APP: variants seen among roughly 807,000 people sequenced by gnomAD.
APP encodes the protein amyloid-beta precursor protein.
Under a neutral mutation model 101.4 loss-of-function variants are expected in APP, and 31 were observed. The ratio of observed to expected loss-of-function variants is 0.31; its 90% CI spans 0.23 to 0.41. The LOEUF (loss-of-function observed/expected upper bound fraction) is 0.41, where lower values mean the gene tolerates loss of function less well. APP is among the 10% of genes least tolerant of loss of function. The pLI, the probability that APP is intolerant of heterozygous loss-of-function variation, is 1.00. For missense variants in APP, 839 were observed against 1,003.7 expected, an observed-to-expected ratio of 0.84 and a Z score of 2.22; for synonymous variants, 366 against 364.4, an observed-to-expected ratio of 1.00 and a Z score of -0.05.
At chr21:26,136,181 G>GAAAT in intron 1 of APP, among the ~76,000 whole-genome samples, 1 of 74,998 alleles carries the variant, frequency 1.3e-5, no homozygotes, top group East Asian at 3.5e-4. Flanking sequence ...AAGAAAGAAA[G>GAAAT]AAAGAAAGAA....
chr21:25,999,963 T>A, intron 7 of APP, 52 bp downstream of exon 7: 1 of 1,592,012 alleles, frequency 6.3e-7, no homozygotes, highest in Non-Finnish European at 8.6e-7. Context: ...AAAAGCAGAG[T>A]CAGTGGCGAG....
intron 3 of APP, among the ~76,000 whole-genome samples, chr21:26,082,844 C>T (rs1445345806): frequency 6.7e-6 from 1 of 149,518 alleles, no homozygotes; most frequent in Non-Finnish European, 1.5e-5. Context: ...ATAAAACGTA[C>T]ACAATGAATA....
chr21:26,018,072 T>C (rs954181735), intron 6 of APP, among the ~76,000 whole-genome samples: 1 of 152,204 alleles, frequency 6.6e-6, no homozygotes, highest in African/African-American at 2.4e-5. Flanking sequence ...CATCTTCTCA[T>C]TTGGGTATCA....
chr21:26,074,149 G>A (rs1206183280), intron 3 of APP, among the ~76,000 whole-genome samples: 1 of 152,004 alleles, frequency 6.6e-6, no homozygotes, highest in East Asian at 1.9e-4. Context: ...AGATTTGGGG[G>A]AACTGAAGCT....
chr21:26,110,771 A>C (rs2062300084), intron 2 of APP, among the ~76,000 whole-genome samples: 1 of 152,190 alleles, frequency 6.6e-6, no homozygotes, highest in Non-Finnish European at 1.5e-5. Flanking sequence ...AGTAGGCTAA[A>C]GAAAAATTTC....
intron 2 of APP, among the ~76,000 whole-genome samples, chr21:26,098,728 T>C (rs1246219179): frequency 6.6e-6 from 1 of 152,264 alleles, no homozygotes; most frequent in Non-Finnish European, 1.5e-5. Flanking sequence ...CTTTTCTACT[T>C]AGTCATTCAA....
intron 11 of APP, among the ~76,000 whole-genome samples, chr21:25,958,330 G>A (rs1210589984): frequency 1.3e-5 from 2 of 152,192 alleles, no homozygotes; most frequent in Non-Finnish European, 2.9e-5. Flanking sequence ...AGGCTGGAGT[G>A]CAGTGGCGTG....
chr21:26,036,263 G>C (rs1256498096), intron 5 of APP, among the ~76,000 whole-genome samples: 1 of 140,826 alleles, frequency 7.1e-6, no homozygotes, highest in East Asian at 2.3e-4. Context: ...AACCACAAAG[G>C]CTAGGGTGGG....
chr21:26,014,670 C>T (rs2043975508), intron 6 of APP, among the ~76,000 whole-genome samples: 1 of 152,176 alleles, frequency 6.6e-6, no homozygotes, highest in Non-Finnish European at 1.5e-5. Flanking sequence ...GTGCCCCCAG[C>T]AACCAATGCC....
At chr21:26,126,122 C>A (rs749014465) in intron 1 of APP, among the ~76,000 whole-genome samples, 3 of 152,148 alleles carry the variant, frequency 2.0e-5, no homozygotes, top group Admixed American at 6.5e-5. Flanking sequence ...TTTACATAAG[C>A]ACAAAAATTT....
chr21:26,099,338 A>G (rs1049141317), intron 2 of APP, among the ~76,000 whole-genome samples: 1 of 152,168 alleles, frequency 6.6e-6, no homozygotes, highest in Non-Finnish European at 1.5e-5. Flanking sequence ...CCTTTTTCAA[A>G]GAACATATCC....
chr21:26,062,757 A>T (rs770288662), intron 3 of APP, among the ~76,000 whole-genome samples: 4 of 151,814 alleles, frequency 2.6e-5, no homozygotes, highest in African/African-American at 4.8e-5. Flanking sequence ...AAATTTTTTT[A>T]TATTTTTTAT....
At chr21:26,164,473 A>G (rs537861429) in intron 1 of APP, among the ~76,000 whole-genome samples, 9 of 152,338 alleles carry the variant, frequency 5.9e-5, no homozygotes, top group African/African-American at 1.4e-4. Flanking sequence ...ACTGAAAACT[A>G]AACCAAGTCT....
chr21:25,979,129 A>G (rs906499400), intron 9 of APP, among the ~76,000 whole-genome samples: 1 of 152,196 alleles, frequency 6.6e-6, no homozygotes, highest in Non-Finnish European at 1.5e-5. Flanking sequence ...AAAAATCTAC[A>G]GGTTTAGCAA....
At position 25,897,610 on chromosome 21, in the gene APP, C is replaced by A. The variant is rs559207950; in HGVS notation, c.2027G>T (p.Arg676Leu). The A allele has an allele frequency of 2.5e-6, 4 of 1,613,974 alleles. No individual in the cohort carries two copies. Among genetic ancestry groups the A allele is most frequent in the South Asian group, 2.2e-5 (2 of 91,080 alleles). Residue 676 changes from arginine to leucine, a missense_variant, in exon 16 of 18, where the codon CGA becomes CTA. Transcript: ENST00000346798. The part of the protein sequence containing the change: ...ISEVKMDAEF[R>L]HDSGYEVHHQ... ...ATGAACTTCATATCCTGAGTCATGT[C>A]GGAATTCTGCATCCATCTTCACTTC...
intron 6 of APP, among the ~76,000 whole-genome samples, chr21:26,002,565 T>C (rs2043346432): frequency 6.6e-6 from 1 of 152,248 alleles, no homozygotes; most frequent in African/African-American, 2.4e-5. Flanking sequence ...ATTAATCTCT[T>C]ACTCAGGCAG....
chr21:26,035,150 G>A (rs981731126), intron 5 of APP, among the ~76,000 whole-genome samples: 1 of 151,994 alleles, frequency 6.6e-6, no homozygotes, highest in Non-Finnish European at 1.5e-5. Context: ...TTAGCCAGGT[G>A]CAGCCTGTAG....
chr21:26,085,150 C>G (rs538426638), intron 3 of APP, among the ~76,000 whole-genome samples: 52 of 152,218 alleles, frequency 3.4e-4, no homozygotes, highest in African/African-American at 1.2e-3. Flanking sequence ...ACTTAGTATG[C>G]TGGTTCTGAA....
intron 13 of APP, among the ~76,000 whole-genome samples, chr21:25,929,411 C>A (rs1253280269): frequency 6.6e-6 from 1 of 151,652 alleles, no homozygotes; most frequent in Non-Finnish European, 1.5e-5. Context: ...TGGTTTTATT[C>A]TTACAGCATT....
Sources: allele counts gnomAD v4.1 joint callset (sites outside exome capture counted in the v4.1 genomes callset), GRCh38; gene constraint gnomAD v4.1.1; transcripts MANE v1.5; gene names NCBI Gene and HGNC (gene_info 2026-07-23, HGNC 2026-07-21).